SGCD: variants seen among roughly 807,000 people sequenced by gnomAD.
The protein encoded by SGCD is delta-sarcoglycan.
SGCD carries 18 observed loss-of-function variants against 36.6 expected under a neutral mutation model. The ratio of observed to expected loss-of-function variants is 0.49; its 90% CI spans 0.34 to 0.73. The LOEUF (loss-of-function observed/expected upper bound fraction) is 0.73. SGCD is among the 30% of genes least tolerant of loss of function. SGCD has a pLI of 0.01. For missense variants in SGCD, 387 were observed against 346.7 expected, an observed-to-expected ratio of 1.12 and a Z score of -0.92; for synonymous variants, 133 against 130.6, an observed-to-expected ratio of 1.02 and a Z score of -0.12.
intron 3 of SGCD, among the ~76,000 whole-genome samples, chr5:156,275,451 G>A (rs921960938): frequency 3.9e-5 from 6 of 152,108 alleles, no homozygotes; most frequent in Non-Finnish European, 7.3e-5. Context: ...TTAAAACATA[G>A]AAACAACATA....
the SGCD span, among the ~76,000 whole-genome samples, chr5:155,768,405 T>G: frequency 9.5e-3 from 1,449 of 152,192 alleles, 19 homozygotes; most frequent in African/African-American, 0.033. Context: ...CACTCTGTAT[T>G]AGACACTGAG....
chr5:156,469,987 A>G (rs1754884168), intron 3 of SGCD, among the ~76,000 whole-genome samples: 1 of 152,198 alleles, frequency 6.6e-6, no homozygotes, highest in African/African-American at 2.4e-5. Context: ...AAATATGCTG[A>G]TTATAGAAAG....
At chr5:155,777,372 T>C in the SGCD span, among the ~76,000 whole-genome samples, 1 of 151,896 alleles carries the variant, frequency 6.6e-6, no homozygotes, top group African/African-American at 2.4e-5. Flanking sequence ...TTTTTTTTTT[T>C]TTTAGACAGG....
the SGCD span, among the ~76,000 whole-genome samples, chr5:155,826,482 T>G: frequency 6.6e-6 from 1 of 152,204 alleles, no homozygotes; most frequent in Admixed American, 6.5e-5. Flanking sequence ...CTCTTCCCAC[T>G]GTGGCTCCAT....
chr5:155,838,910 G>C, the SGCD span, among the ~76,000 whole-genome samples: 3 of 151,918 alleles, frequency 2.0e-5, no homozygotes, highest in Non-Finnish European at 4.4e-5. Flanking sequence ...CAATCAATCA[G>C]AGTTTTTAAG....
intron 4 of SGCD, among the ~76,000 whole-genome samples, chr5:156,577,958 T>C (rs539954958): frequency 5.3e-5 from 8 of 152,188 alleles, no homozygotes; most frequent in Non-Finnish European, 1.2e-4. Context: ...CTATGTTGAA[T>C]AGGAGTGGTG....
At chr5:156,273,870 T>A (rs760971517) in intron 3 of SGCD, among the ~76,000 whole-genome samples, 73 of 152,296 alleles carry the variant, frequency 4.8e-4, no homozygotes, top group Admixed American at 1.2e-3. Context: ...TGTACGGTTG[T>A]CATGTTTTTT....
chr5:156,130,049 G>C (rs555814845), intron 3 of SGCD, among the ~76,000 whole-genome samples: 6 of 152,224 alleles, frequency 3.9e-5, no homozygotes, highest in African/African-American at 1.4e-4. Context: ...GCTTTTAGCT[G>C]TTTGAAGAAT....
chr5:156,416,929 T>C (rs1388738259), intron 3 of SGCD, among the ~76,000 whole-genome samples: 3 of 152,204 alleles, frequency 2.0e-5, no homozygotes, highest in East Asian at 1.9e-4. Context: ...TTCTTCTTCT[T>C]AGATTATTAA....
chr5:156,472,485 T>G (rs1333152724), intron 3 of SGCD, among the ~76,000 whole-genome samples: 1 of 152,214 alleles, frequency 6.6e-6, no homozygotes, highest in Non-Finnish European at 1.5e-5. Flanking sequence ...TGGCATGATC[T>G]CAGCTTACTG....
At chr5:156,642,322 G>A (rs1581315762) in intron 6 of SGCD, among the ~76,000 whole-genome samples, 1 of 152,082 alleles carries the variant, frequency 6.6e-6, no homozygotes, top group Non-Finnish European at 1.5e-5. Flanking sequence ...TTTGGAAAAT[G>A]CCAGGTTGAT....
At chr5:156,559,042 A>C (rs934317882) in intron 4 of SGCD, among the ~76,000 whole-genome samples, 14 of 152,138 alleles carry the variant, frequency 9.2e-5, no homozygotes, top group African/African-American at 2.9e-4. Context: ...CATCTGAGAG[A>C]TGTGAGTTGA....
chr5:155,796,290 C>T, the SGCD span, among the ~76,000 whole-genome samples: 8 of 151,810 alleles, frequency 5.3e-5, no homozygotes, highest in Non-Finnish European at 1.0e-4. Context: ...AATAAAAAAA[C>T]AAAAGATAGG....
chr5:156,425,728 C>T (rs888365479), intron 3 of SGCD, among the ~76,000 whole-genome samples: 6 of 152,086 alleles, frequency 3.9e-5, no homozygotes, highest in Middle Eastern at 3.4e-3. Flanking sequence ...CGCTTCCCCC[C>T]GAGTCCCTAA....
At chr5:156,041,401 T>G (rs564001184) in intron 1 of SGCD, among the ~76,000 whole-genome samples, 1 of 152,086 alleles carries the variant, frequency 6.6e-6, no homozygotes, top group African/African-American at 2.4e-5. Context: ...AGGTAGAAAT[T>G]TTTTTCCGAT....
chr5:156,369,093 G>A (rs1770255712), intron 3 of SGCD, among the ~76,000 whole-genome samples: 1 of 152,178 alleles, frequency 6.6e-6, no homozygotes, highest in Non-Finnish European at 1.5e-5. Context: ...GTGGAAGCCT[G>A]TGTGTATGAG....
At position 156,203,181 on chromosome 5, in the gene SGCD, C is replaced by T. The variant is rs1416716168; in HGVS notation, c.-44+79162C>T. On this transcript the variant is annotated intron_variant, in intron 3 of 9. Transcript: ENST00000517913. ...CCACATGTACTTTTCATTAGTGCCTCTATTTGCTGTGGCATTTTCTGTATC... is the reference window on the plus strand; with the variant it reads ...CCACATGTACTTTTCATTAGTGCCTTTATTTGCTGTGGCATTTTCTGTATC... 4.6e-5 allele frequency among the ~76,000 whole-genome samples: 7 copies of T among 152,088 alleles called. No homozygotes were observed. In the East Asian group the frequency reaches 1.2e-3, roughly 25 times the overall value.
the SGCD span, among the ~76,000 whole-genome samples, chr5:155,797,323 T>A: frequency 6.6e-6 from 1 of 152,244 alleles, no homozygotes; most frequent in African/African-American, 2.4e-5. Flanking sequence ...GAATACTCTC[T>A]ATCTTGTTTC....
At chr5:156,715,234 T>G (rs1468048687) in intron 7 of SGCD, among the ~76,000 whole-genome samples, 1 of 152,174 alleles carries the variant, frequency 6.6e-6, no homozygotes, top group African/African-American at 2.4e-5. Context: ...GAATAATGAT[T>G]AAATTCAATG....
Sources: allele counts gnomAD v4.1 joint callset (sites outside exome capture counted in the v4.1 genomes callset), GRCh38; gene constraint gnomAD v4.1.1; transcripts MANE v1.5; gene names NCBI Gene and HGNC (gene_info 2026-07-23, HGNC 2026-07-21).